The following CCDC93 variants were observed in gnomAD, a reference collection of about 807,000 sequenced individuals.
The protein encoded by CCDC93 is CCC complex scaffolding subunit CCDC93.
A neutral mutation model predicts 108.2 loss-of-function variants in CCDC93; 61 were observed. The observed-to-expected ratio is 0.56, with a 90% CI of 0.46 to 0.70. The LOEUF is 0.70. Ranked by LOEUF, CCDC93 falls within the 30% of genes least tolerant of loss-of-function variation. CCDC93 has a pLI of 0.00. For synonymous variants in CCDC93, 276 were observed against 260.4 expected (o/e 1.06, Z -0.58); for missense variants, 685 against 764.2 (o/e 0.90, Z 1.22).
chr2:117,929,018 C>G (rs1454299558), intron 23 of CCDC93, among the ~76,000 whole-genome samples: 1 of 150,992 alleles, frequency 6.6e-6, no homozygotes, highest in East Asian at 2.0e-4. Flanking sequence ...GGACAAAAAA[C>G]TAAACACCAC....
At position 117,950,102 on chromosome 2, in the gene CCDC93, G is replaced by A. The variant is rs778004566; in HGVS notation, c.1069-707C>T. 3 of 985,454 alleles carry A rather than the reference G, an allele frequency of 3.0e-6. No homozygotes were observed. In the East Asian group the frequency reaches 3.4e-4, roughly 112 times the overall value. 61.0% of individuals were successfully genotyped at this position (985,454 alleles called of 1,614,324 possible). On this transcript the variant is annotated intron_variant, in intron 13 of 23. Coordinates refer to ENST00000376300, the MANE Select transcript of CCDC93 (RefSeq NM_019044.5). ...CCCAGAACATCAGTTACTACCGGCT[G>A]ATCTCAGCAAACAGTAGGTAGATCC...
Position 117,920,241 on chromosome 2 carries a change from T to G in CCDC93, c.*102A>C. 1.4e-6 allele frequency: 1 copy of G among 713,442 alleles called. No homozygotes were observed. The highest frequency in any genetic ancestry group is 2.4e-6 in the Non-Finnish European group (1 of 416,242). The allele number at this position is 713,442 out of a possible 1,614,324, so 44.2% of individuals were successfully genotyped here. A position where few individuals can be genotyped will look rare whatever the true frequency, so the allele number is the denominator to read the frequency against. On this transcript the variant is annotated 3_prime_UTR_variant, in exon 24 of 24. Transcript: ENST00000376300. ...TCCAGGTTGTTGAAATCATCACAACTGCATCTCTCTACTGTCGCTTTCAGA... is the reference window on the plus strand; with the variant it reads ...TCCAGGTTGTTGAAATCATCACAACGGCATCTCTCTACTGTCGCTTTCAGA...
intron 2 of CCDC93, among the ~76,000 whole-genome samples, chr2:118,007,763 G>A (rs944130714): frequency 2.0e-5 from 3 of 152,214 alleles, no homozygotes; most frequent in Admixed American, 6.5e-5. Context: ...AGATTCCAGG[G>A]CCCAAGCCCA....
chr2:117,937,594 CA>C (rs1317952330), intron 20 of CCDC93, among the ~76,000 whole-genome samples: 5 of 152,194 alleles, frequency 3.3e-5, no homozygotes, highest in Admixed American at 2.0e-4. Flanking sequence ...GTCTGCCTCG[CA>C]ATATTCCTAG....
intron 6 of CCDC93, among the ~76,000 whole-genome samples, chr2:117,990,093 A>G (rs1219880556): frequency 6.6e-6 from 1 of 152,230 alleles, no homozygotes; most frequent in Admixed American, 6.5e-5. Context: ...TCTGGATAAA[A>G]CTGTGTGGGC....
At chr2:118,007,367 A>T (rs1676903174) in intron 2 of CCDC93, among the ~76,000 whole-genome samples, 1 of 152,234 alleles carries the variant, frequency 6.6e-6, no homozygotes, top group Non-Finnish European at 1.5e-5. Context: ...ACACAGCTTG[A>T]TATTAGAAAA....
rs995849104 is a variant in CCDC93, at chr2:117,975,382, C to A, written c.658-102G>T. On this transcript the variant is annotated intron_variant, in intron 8 of 23. Coordinates refer to ENST00000376300, the MANE Select transcript of CCDC93 (RefSeq NM_019044.5). ...CATGAGTCTGTGAAAAAAACACAGA[C>A]CTGCAGAGCAGCAGCATCCTGAGAG... 1.7e-5 allele frequency: 14 copies of A among 831,426 alleles called. No individual in the cohort carries two copies. In the African/African-American group the frequency reaches 2.0e-4, roughly 12 times the overall value. 51.5% of individuals were successfully genotyped at this position (831,426 alleles called of 1,614,324 possible). A position where few individuals can be genotyped will look rare whatever the true frequency, so the allele number is the denominator to read the frequency against.
rs780250232 is a variant in CCDC93 at position 117,941,263 on chromosome 2, C to A, written c.1448G>T (p.Arg483Leu). Residue 483 changes from arginine (R) to leucine (L), a missense_variant, in exon 19 of 24, where the codon CGC (arginine) becomes CTC (leucine). Transcript: ENST00000376300. ...RRNREIAILH[R>L]KIDEVPSRAE... Reference sequence around the variant, plus strand: ...ACGGCTAGGGACTTCATCAATCTTGCGGTGCAAAATTGCTATTTCTCGATT... The same window carrying A: ...ACGGCTAGGGACTTCATCAATCTTGAGGTGCAAAATTGCTATTTCTCGATT... The A allele has an allele frequency of 5.6e-6, 9 of 1,613,668 alleles. No individual in the cohort carries two copies. The highest frequency in any genetic ancestry group is 7.6e-6 in the Non-Finnish European group (9 of 1,179,762).
chr2:117,921,534 G>C (rs952796943), intron 23 of CCDC93: 2 of 152,194 alleles, frequency 1.3e-5, no homozygotes, highest in Non-Finnish European at 2.9e-5. Flanking sequence ...GAGAGGTAGA[G>C]CTCACAGGCT....
At chr2:117,990,845 T>C (rs1053804985) in intron 6 of CCDC93, among the ~76,000 whole-genome samples, 6 of 152,118 alleles carry the variant, frequency 3.9e-5, no homozygotes, top group Non-Finnish European at 8.8e-5. Flanking sequence ...TCTCTGATTC[T>C]CCATACTGAT....
chr2:117,975,029 A>T (rs890463646), intron 9 of CCDC93, 129 bp from the exon 10 acceptor site: 7 of 1,048,756 alleles, frequency 6.7e-6, no homozygotes, highest in Non-Finnish European at 1.0e-5. Flanking sequence ...TGTGAGCCTC[A>T]AAGGCAGGTG....
chr2:118,010,073 C>T (rs934794581), intron 1 of CCDC93, among the ~76,000 whole-genome samples: 1 of 151,798 alleles, frequency 6.6e-6, no homozygotes, highest in Non-Finnish European at 1.5e-5. Context: ...TCCCGAGTTG[C>T]TGGGACTACA....
intron 21 of CCDC93, chr2:117,936,426 A>G (rs1678527434): frequency 2.6e-6 from 1 of 380,032 alleles, no homozygotes; most frequent in African/African-American, 2.0e-5. Context: ...TTGATAACAT[A>G]CAGAGAGATT....
chr2:117,926,746 A>C (rs1482727244), intron 23 of CCDC93, among the ~76,000 whole-genome samples: 1 of 152,124 alleles, frequency 6.6e-6, no homozygotes, highest in South Asian at 2.1e-4. Context: ...AGAAAAATAG[A>C]GAATCCTCCC....
intron 5 of CCDC93, chr2:117,995,734 A>G: frequency 2.2e-6 from 1 of 454,400 alleles, no homozygotes; most frequent in Non-Finnish European, 4.0e-6. Flanking sequence ...GGTCATAAGG[A>G]ATAGTGCTTA....
chr2:117,935,647 G>C lies in CCDC93; in HGVS notation c.1644-68C>G, dbSNP rs1375837543. On this transcript the variant is annotated intron_variant, in intron 21 of 23. Coordinates refer to ENST00000376300, the MANE Select transcript of CCDC93 (RefSeq NM_019044.5). Reference sequence around the variant, plus strand: ...CTGAGGCAGGGGGAAATGCCAAGCAGTCAGCTCTGTATCCAGATTATGACT... The same window carrying C: ...CTGAGGCAGGGGGAAATGCCAAGCACTCAGCTCTGTATCCAGATTATGACT... 40 of 1,141,864 alleles carry C rather than the reference G, an allele frequency of 3.5e-5. No homozygotes were observed. In the East Asian group the frequency reaches 9.4e-4, roughly 27 times the overall value. 70.7% of individuals were successfully genotyped at this position (1,141,864 alleles called of 1,614,324 possible). A position where few individuals can be genotyped will look rare whatever the true frequency, so the allele number is the denominator to read the frequency against.
chr2:117,969,320 A>C (rs1268558120), intron 11 of CCDC93, among the ~76,000 whole-genome samples: 1 of 152,188 alleles, frequency 6.6e-6, no homozygotes, highest in Admixed American at 6.6e-5. Context: ...GTTGCAAGGA[A>C]CTGAATGCTG....
Position 117,974,876 on chromosome 2 carries a change from T to C in CCDC93, c.775A>G (p.Lys259Glu). The C allele has an allele frequency of 6.4e-7, 1 of 1,570,500 alleles. No individual in the cohort carries two copies. Among genetic ancestry groups the C allele is most frequent in the Non-Finnish European group, 8.6e-7 (1 of 1,156,998 alleles). ...TCCTCATTTGCCATAGCGGTCATCT[T>C]GGTCATCAGCGACTGAATACGCTGC... ...EEQRIQSLMTKMTAMANEESR... is the reference protein window; with the variant it reads ...EEQRIQSLMTEMTAMANEESR... The change falls in exon 10 of 24, where the codon AAG (lysine) becomes GAG (glutamate). Residue 259 changes from lysine to glutamate, a missense_variant. Coordinates refer to ENST00000376300, the MANE Select transcript of CCDC93 (RefSeq NM_019044.5).
chr2:117,966,322 G>A (rs1436277003), intron 11 of CCDC93, among the ~76,000 whole-genome samples: 1 of 152,190 alleles, frequency 6.6e-6, no homozygotes, highest in Non-Finnish European at 1.5e-5. Flanking sequence ...GGAGGAAGGG[G>A]GCAGTAAGAC....
Sources: allele counts gnomAD v4.1 joint callset (sites outside exome capture counted in the v4.1 genomes callset), GRCh38; gene constraint gnomAD v4.1.1; transcripts MANE v1.5; gene names NCBI Gene and HGNC (gene_info 2026-07-23, HGNC 2026-07-21).